TCF20: variants seen among roughly 807,000 people sequenced by gnomAD.
The protein encoded by TCF20 is transcription factor 20.
Under a neutral mutation model 148.6 loss-of-function variants are expected in TCF20, and 3 were observed. The ratio of observed to expected loss-of-function variants is 0.02; its 90% CI spans 0.01 to 0.05. TCF20 has a LOEUF of 0.05. Ranked by LOEUF, TCF20 falls within the 10% of genes least tolerant of loss-of-function variation. The pLI is 1.00. For synonymous variants in TCF20, 1,049 were observed against 909.5 expected (o/e 1.15, Z -2.76); for missense variants, 2,350 against 2,429.3 (o/e 0.97, Z 0.69).
In TCF20 at chr22:42,270,537, G is replaced by C. The variant is rs1220967994; in HGVS notation, c.-235C>G. Among the ~76,000 whole-genome samples, 1 of 145,468 alleles carries C rather than the reference G, an allele frequency of 6.9e-6. No homozygotes were observed. Among genetic ancestry groups the C allele is most frequent in the East Asian group, 2.0e-4 (1 of 5,012 alleles). On this transcript the variant is annotated 5_prime_UTR_variant, in exon 1 of 6. Coordinates refer to ENST00000677622, the MANE Select transcript of TCF20 (RefSeq NM_001378418.1). ...GCTCCGGCCCGCGCGCTCGCTCCCC[G>C]GTCAGGCGCGCCTCAGGGCGGGCTC...
Position 42,293,741 on chromosome 22 carries a change from C to A in TCF20, c.-37+49738G>T, listed in dbSNP as rs139154280. ...CTCAGGCTGGGCGCGGTGGCTCAGGCCTGTAATCCCAGCACTTTGGGAGGC... is the reference window on the plus strand; with the variant it reads ...CTCAGGCTGGGCGCGGTGGCTCAGGACTGTAATCCCAGCACTTTGGGAGGC... On this transcript the variant is annotated intron_variant, in intron 1 of 1. Coordinates refer to the TCF20 transcript ENST00000515426. 2.5e-3 allele frequency among the ~76,000 whole-genome samples: 385 copies of A among 152,346 alleles called. 2 individuals are homozygous for A. The highest frequency in any genetic ancestry group is 8.7e-3 in the African/African-American group (360 of 41,578).
At position 42,215,132 on chromosome 22, in the gene TCF20, T is replaced by TCCA; in HGVS notation, c.171_173dup (p.Gly58dup). ...CCGCAGCAGCTGCTGCTCCTCGTCG[T>TCCA]CCACCACCACTGCCACTGCCACTGC... On this transcript the variant is annotated inframe_insertion, in exon 2 of 6. Transcript: ENST00000677622. The TCCA allele has an allele frequency of 5.6e-6, 9 of 1,614,008 alleles. No homozygotes were observed. Among genetic ancestry groups the TCCA allele is most frequent in the Non-Finnish European group, 7.6e-6 (9 of 1,179,944 alleles).
intron 2 of TCF20, among the ~76,000 whole-genome samples, chr22:42,192,957 TA>T (rs1157291563): frequency 3.3e-5 from 5 of 152,168 alleles, no homozygotes; most frequent in African/African-American, 1.2e-4. Flanking sequence ...AAGCTTGAGT[TA>T]AAAAACACAG....
chr22:42,283,377 C>G (rs972262561), intron 1 of TCF20, among the ~76,000 whole-genome samples: 1 of 151,722 alleles, frequency 6.6e-6, no homozygotes, highest in Non-Finnish European at 1.5e-5. Context: ...GCGGCTGGAT[C>G]TGGACCGGAG....
intron 1 of TCF20, among the ~76,000 whole-genome samples, chr22:42,325,807 G>A (rs115693534): frequency 1.3e-5 from 2 of 152,164 alleles, no homozygotes; most frequent in South Asian, 2.1e-4. Flanking sequence ...TTCTGCAGCC[G>A]ACTTGCCTGG....
At chr22:42,316,781 C>T (rs1170037006) in intron 1 of TCF20, among the ~76,000 whole-genome samples, 1 of 152,174 alleles carries the variant, frequency 6.6e-6, no homozygotes, top group African/African-American at 2.4e-5. Flanking sequence ...ACATCACTTC[C>T]CTGCTCAAGG....
intron 3 of TCF20, among the ~76,000 whole-genome samples, chr22:42,176,089 C>T (rs1325393595): frequency 6.6e-6 from 1 of 152,234 alleles, no homozygotes. Context: ...AGCCACCACA[C>T]CTGGCACTCT....
chr22:42,219,628 G>A (rs1398019994), intron 1 of TCF20, among the ~76,000 whole-genome samples: 1 of 151,828 alleles, frequency 6.6e-6, no homozygotes, highest in Non-Finnish European at 1.5e-5. Flanking sequence ...GGTCAAGGCG[G>A]GCAGATCACT....
chr22:42,282,144 G>A (rs1926915596), intron 1 of TCF20, among the ~76,000 whole-genome samples: 1 of 152,222 alleles, frequency 6.6e-6, no homozygotes, highest in South Asian at 2.1e-4. Flanking sequence ...AGGGAGACTG[G>A]AAGGAGAGCC....
chr22:42,186,613 G>A (rs1335309017), intron 2 of TCF20, among the ~76,000 whole-genome samples: 1 of 152,106 alleles, frequency 6.6e-6, no homozygotes, highest in Non-Finnish European at 1.5e-5. Flanking sequence ...CCTGCTGCTG[G>A]TCGTTTTTTT....
At chr22:42,175,196 A>G (rs985962753) in intron 3 of TCF20, among the ~76,000 whole-genome samples, 24 of 152,166 alleles carry the variant, frequency 1.6e-4, no homozygotes, top group Non-Finnish European at 2.1e-4. Context: ...GCTCTTTTAA[A>G]AACTTATTTT....
At chr22:42,165,827 C>G (rs538561208) in intron 5 of TCF20, among the ~76,000 whole-genome samples, 5 of 152,364 alleles carry the variant, frequency 3.3e-5, no homozygotes, top group Admixed American at 6.5e-5. Context: ...CCTGTTTTTA[C>G]AGAAGAAACC....
chr22:42,296,645 C>T (rs1480944742), intron 1 of TCF20, among the ~76,000 whole-genome samples: 1 of 152,186 alleles, frequency 6.6e-6, no homozygotes, highest in Non-Finnish European at 1.5e-5. Flanking sequence ...AGCCGGGAGG[C>T]AGGCCAGGCA....
In TCF20 at chr22:42,213,090, T is replaced by C; in HGVS notation, c.2216A>G (p.His739Arg). 1 of 1,614,212 alleles carries C rather than the reference T, an allele frequency of 6.2e-7. No homozygotes were observed. Among genetic ancestry groups the C allele is most frequent in the Non-Finnish European group, 8.5e-7 (1 of 1,180,030 alleles). The change falls in exon 2 of 6, where the codon CAT (histidine) becomes CGT (arginine). Residue 739 changes from histidine to arginine, a missense_variant. Around this residue, in one of 7 missense-constraint regions of TCF20, gnomAD observed 1,641 missense variants for 1,662.6 expected, o/e 0.99. Coordinates refer to ENST00000677622, the MANE Select transcript of TCF20 (RefSeq NM_001378418.1). ...TGQEKGDFTG[H>R]GERKGRNEKF... ...TTCATTTCTACCCTTTCGTTCCCCA[T>C]GGCCAGTGAAATCTCCCTTTTCTTG...
At chr22:42,295,330 C>T (rs1346643584) in intron 1 of TCF20, among the ~76,000 whole-genome samples, 1 of 152,238 alleles carries the variant, frequency 6.6e-6, no homozygotes, top group Non-Finnish European at 1.5e-5. Flanking sequence ...TCCACACTCC[C>T]CACCGCTGGG....
intron 2 of TCF20, among the ~76,000 whole-genome samples, chr22:42,202,265 C>A (rs1239933640): frequency 1.3e-5 from 2 of 152,218 alleles, no homozygotes; most frequent in Non-Finnish European, 2.9e-5. Context: ...AGGGCGGTCA[C>A]CAGTCTGCAG....
At chr22:42,199,563 G>A (rs1397328515) in intron 2 of TCF20, among the ~76,000 whole-genome samples, 2 of 151,932 alleles carry the variant, frequency 1.3e-5, no homozygotes, top group Non-Finnish European at 1.5e-5. Context: ...AGTATCTTGG[G>A]AAAATTATTT....
chr22:42,270,835 C>A (rs1428863160), upstream of TCF20, among the ~76,000 whole-genome samples: 1 of 149,506 alleles, frequency 6.7e-6, no homozygotes, highest in Non-Finnish European at 1.5e-5. Flanking sequence ...GGGTAGGGAT[C>A]GCGAAGACCC....
rs543195846 is a variant in TCF20, at chr22:42,233,761, T to C, written c.-36-18420A>G. On this transcript the variant is annotated intron_variant, in intron 1 of 5. Coordinates refer to ENST00000677622, the MANE Select transcript of TCF20 (RefSeq NM_001378418.1). ...AGTTTTAATCTGTGAGGAAAATTAA[T>C]ACCAAGAAAGGGTTTCCATAATCCC... 2.9e-4 allele frequency among the ~76,000 whole-genome samples: 44 copies of C among 152,322 alleles called. No individual in the cohort carries two copies. The South Asian group carries it at 9.1e-3, about 32-fold the overall frequency.
Sources: gnomAD v4.1 joint callset for allele counts (sites outside exome capture counted in the v4.1 genomes callset) on GRCh38, gnomAD v4.1.1 for gene constraint, gnomAD v4.1.1 regional missense constraint, MANE v1.5 for transcripts, NCBI Gene and HGNC (gene_info 2026-07-23, HGNC 2026-07-21) for gene names.